Variants in TRAPPC10 observed in about 807,000 individuals in gnomAD.
TRAPPC10 encodes trafficking protein particle complex subunit 10, also known as TRAPP 130 kDa subunit.
A neutral mutation model predicts 125.5 loss-of-function variants in TRAPPC10; 23 were observed. That is an observed-to-expected ratio of 0.18 (90% CI 0.13 to 0.26). The LOEUF (loss-of-function observed/expected upper bound fraction) is 0.26, where lower values mean the gene tolerates loss of function less well. Among genes scored for constraint, TRAPPC10 ranks in the 10% least tolerant of loss-of-function variants. The pLI is 1.00. For synonymous variants in TRAPPC10, 509 were observed against 518.0 expected, an observed-to-expected ratio of 0.98 and a Z score of 0.24; for missense variants, 1,123 against 1,308.4, an observed-to-expected ratio of 0.86 and a Z score of 2.19.
intron 7 of TRAPPC10, among the ~76,000 whole-genome samples, chr21:44,069,894 T>C (rs544998284): frequency 1.3e-5 from 2 of 152,048 alleles, no homozygotes; most frequent in Admixed American, 6.6e-5. Context: ...AGAGAAGGCA[T>C]ACTTTTTTTT....
In TRAPPC10 at chr21:44,077,700, C is replaced by G. The variant is rs2037388312; in HGVS notation, c.1385C>G (p.Ser462Cys). 1.2e-6 allele frequency: 2 copies of G among 1,601,828 alleles called. No individual in the cohort carries two copies. The highest frequency in any genetic ancestry group is 1.7e-6 in the Non-Finnish European group (2 of 1,172,684). ...EAFEKHYLDL[S>C]HATIEMYTSI... ...GTTTTTACTTCCCCACAGGATTTGT[C>G]CCATGCCACCATTGAAATGTATACA... is the stretch of plus-strand genomic sequence containing the variant. Residue 462 changes from serine (S) to cysteine (C), a missense_variant, in exon 11 of 23, where the codon TCC becomes TGC. Physicochemically the swap from Ser to Cys is moderately radical, Grantham distance 112. This residue lies in a region of TRAPPC10 where 840 missense variants were observed against 902.0 expected (regional missense o/e 0.93). Transcript: ENST00000291574.
intron 18 of TRAPPC10, chr21:44,091,706 G>C: frequency 2.5e-6 from 1 of 403,590 alleles, no homozygotes; most frequent in South Asian, 2.3e-5. Flanking sequence ...CCAAAGTGCT[G>C]GGATTACAGG....
At chr21:44,058,347 G>A (rs1313588093) in intron 5 of TRAPPC10, among the ~76,000 whole-genome samples, 1 of 151,740 alleles carries the variant, frequency 6.6e-6, no homozygotes. Flanking sequence ...GTGAGCAGCG[G>A]TGAGGAGGCC....
intron 15 of TRAPPC10, among the ~76,000 whole-genome samples, chr21:44,086,165 G>A (rs543458483): frequency 6.6e-6 from 1 of 152,210 alleles, no homozygotes; most frequent in Non-Finnish European, 1.5e-5. Context: ...CGGCTGCAGT[G>A]CCAGGCTCAT....
chr21:44,075,013 T>C, intron 8 of TRAPPC10, 26 bp from the exon 9 acceptor site: 1 of 1,491,486 alleles, frequency 6.7e-7, no homozygotes. Context: ...GGCAAATTAA[T>C]TGAAATTGTG....
At chr21:44,014,256 A>T (rs995380408) in intron 1 of TRAPPC10, among the ~76,000 whole-genome samples, 4 of 152,174 alleles carry the variant, frequency 2.6e-5, no homozygotes, top group African/African-American at 4.8e-5. Flanking sequence ...TGTTGGAGAT[A>T]TTTAATGTTT....
intron 2 of TRAPPC10, among the ~76,000 whole-genome samples, chr21:44,034,530 G>A (rs117822746): frequency 0.018 from 2,784 of 152,266 alleles, 49 homozygotes; most frequent in Middle Eastern, 0.051. Context: ...CTAGGCAAGA[G>A]AGTAGAGAAC....
rs1488281939 is a variant in TRAPPC10, at chr21:44,091,969, C to G, written c.2917C>G (p.Gln973Glu). The G allele has an allele frequency of 6.2e-7, 1 of 1,614,120 alleles. No individual in the cohort carries two copies. The highest frequency in any genetic ancestry group is 8.5e-7 in the Non-Finnish European group (1 of 1,180,006). ...CCAGAATTTGTCAGAACTTGACTTT[C>G]AGCTGTCAGATAGTTATCTTGTAGA... ...CVQNLSELDF[Q>E]LSDSYLVDTG... is the part of the protein sequence containing the mutation. Residue 973 changes from glutamine to glutamate, a missense_variant, in exon 19 of 23, where the codon CAG becomes GAG. Gln to Glu is a conservative substitution (Grantham distance 29, BLOSUM62 2). Coordinates refer to ENST00000291574, the MANE Select transcript of TRAPPC10 (RefSeq NM_003274.5).
At chr21:44,080,267 C>G in intron 13 of TRAPPC10, 140 bp downstream of exon 13, 2 of 714,418 alleles carry the variant, frequency 2.8e-6, no homozygotes, top group South Asian at 3.7e-5. Flanking sequence ...ATGTCTTTCA[C>G]CTGACTTTTT....
chr21:44,031,098 C>T lies in TRAPPC10; in HGVS notation c.68-993C>T, dbSNP rs537146243. On this transcript the variant is annotated intron_variant, in intron 1 of 22. Transcript: ENST00000291574. ...CCAGCGCCTTGCCCACTCACCGTGC[C>T]ATCTGCCCGGAAATGTCATTACCCT... Among the ~76,000 whole-genome samples the T allele has an allele frequency of 3.1e-4, 47 of 152,278 alleles. 2 individuals carry two copies. The East Asian group carries it at 7.7e-3, about 25-fold the overall frequency.
At chr21:44,088,909 G>C (rs1366311871) in intron 17 of TRAPPC10, 1 of 164,810 alleles carries the variant, frequency 6.1e-6, no homozygotes, top group Non-Finnish European at 1.3e-5. Context: ...GGCGGCACCT[G>C]TGCTGTGTGC....
chr21:44,054,835 C>G lies in TRAPPC10; in HGVS notation c.483-863C>G, dbSNP rs900667222. On this transcript the variant is annotated intron_variant, in intron 4 of 22. Coordinates refer to ENST00000291574, the MANE Select transcript of TRAPPC10 (RefSeq NM_003274.5). ...AAGGGGAGTGTTTTCCTGTGAGGCC[C>G]ACAGCCTAGCAGCAGTGTGGGCAGA... 5.3e-5 allele frequency among the ~76,000 whole-genome samples: 8 copies of G among 152,272 alleles called. No homozygotes were observed. The East Asian group carries it at 9.7e-4, about 18-fold the overall frequency.
At chr21:44,050,911 A>AT (rs965595077) in intron 3 of TRAPPC10, among the ~76,000 whole-genome samples, 31 of 150,630 alleles carry the variant, frequency 2.1e-4, no homozygotes, top group East Asian at 1.5e-3. Flanking sequence ...AGGATTTAAT[A>AT]TTTTTTTTTT....
chr21:44,086,952 A>G lies in TRAPPC10; in HGVS notation c.2531A>G (p.Asn844Ser), dbSNP rs999570141. 1.2e-6 allele frequency: 2 copies of G among 1,614,032 alleles called. No homozygotes were observed. Among genetic ancestry groups the G allele is most frequent in the Non-Finnish European group, 8.5e-7 (1 of 1,179,944 alleles). The stretch of plus-strand genomic sequence containing the variant: ...GAGAGCAGGGCTGTGGTCTACTCCA[A>G]CACGAGAGGTGAGGTGCCGCCCACC... ...QAESRAVVYS[N>S]TREQSSEAAL... Residue 844 changes from asparagine to serine, a missense_variant, in exon 16 of 23, where the codon AAC becomes AGC. By Grantham distance (46) the Asn-to-Ser change is conservative. Transcript: ENST00000291574.
intron 3 of TRAPPC10, among the ~76,000 whole-genome samples, chr21:44,047,810 T>G (rs546172107): frequency 1.3e-5 from 2 of 152,346 alleles, no homozygotes; most frequent in East Asian, 3.9e-4. Context: ...ATCTTCCATG[T>G]GTCTTCTTCA....
intron 7 of TRAPPC10, among the ~76,000 whole-genome samples, chr21:44,072,086 G>A (rs1431200556): frequency 2.0e-5 from 3 of 152,210 alleles, no homozygotes; most frequent in Admixed American, 1.3e-4. Flanking sequence ...TAATACTGTC[G>A]TTCAAGCTTA....
Position 44,028,256 on chromosome 21 carries a change from C to T in TRAPPC10, c.68-3835C>T, listed in dbSNP as rs1489357277. Among the ~76,000 whole-genome samples the T allele has an allele frequency of 2.6e-5, 4 of 152,314 alleles. No homozygotes were observed. In the East Asian group the frequency reaches 7.7e-4, roughly 29 times the overall value. ...CATGTAACAGAAAATCCAATTGCAA[C>T]TGCATAAATAATCCAAAAACTGATT... On this transcript the variant is annotated intron_variant, in intron 1 of 22. Coordinates refer to ENST00000291574, the MANE Select transcript of TRAPPC10 (RefSeq NM_003274.5).
intron 1 of TRAPPC10, among the ~76,000 whole-genome samples, chr21:44,015,708 G>C (rs553720701): frequency 2.0e-5 from 3 of 151,246 alleles, no homozygotes; most frequent in African/African-American, 2.4e-5. Flanking sequence ...TCTGCCTCCC[G>C]GGTTCAGTCG....
intron 7 of TRAPPC10, among the ~76,000 whole-genome samples, chr21:44,071,317 C>A (rs1256483443): frequency 6.6e-6 from 1 of 152,174 alleles, no homozygotes; most frequent in Non-Finnish European, 1.5e-5. Flanking sequence ...AAATCATCGA[C>A]CTCTAAATTT....
Sources: gnomAD v4.1 joint callset for allele counts (sites outside exome capture counted in the v4.1 genomes callset) on GRCh38, gnomAD v4.1.1 for gene constraint, gnomAD v4.1.1 regional missense constraint, MANE v1.5 for transcripts, NCBI Gene and HGNC (gene_info 2026-07-23, HGNC 2026-07-21) for gene names.